Variants in PEX5L observed in about 807,000 individuals in gnomAD.
The protein encoded by PEX5L is peroxisomal biogenesis factor 5 like, also known as PEX5-related protein.
A neutral mutation model predicts 84.0 loss-of-function variants in PEX5L; 30 were observed. That is an observed-to-expected ratio of 0.36 (90% CI 0.27 to 0.48). The LOEUF (loss-of-function observed/expected upper bound fraction) is 0.48, where lower values mean the gene tolerates loss of function less well. Ranked by LOEUF, PEX5L falls within the 20% of genes least tolerant of loss-of-function variation. The pLI, the probability that PEX5L is intolerant of heterozygous loss-of-function variation, is 0.99. For missense variants in PEX5L, 533 were observed against 754.6 expected (o/e 0.71, Z 3.44); for synonymous variants, 270 against 283.1 (o/e 0.95, Z 0.46).
chr3:179,994,306 T>C (rs1006722875), intron 1 of PEX5L, among the ~76,000 whole-genome samples: 6 of 152,258 alleles, frequency 3.9e-5, no homozygotes, highest in African/African-American at 1.4e-4. Context: ...TAAAAGTTAA[T>C]GAATGTGAAT....
intron 1 of PEX5L, among the ~76,000 whole-genome samples, chr3:180,034,836 T>C (rs1579436271): frequency 6.6e-6 from 1 of 152,254 alleles, no homozygotes; most frequent in Admixed American, 6.5e-5. Flanking sequence ...GACATTAAGT[T>C]GGGAGAATAT....
intron 2 of PEX5L, among the ~76,000 whole-genome samples, chr3:179,941,431 C>T (rs1053447722): frequency 1.3e-5 from 2 of 152,288 alleles, no homozygotes; most frequent in Middle Eastern, 3.4e-3. Flanking sequence ...ATTTCATTCA[C>T]CATGATGTTA....
intron 2 of PEX5L, among the ~76,000 whole-genome samples, chr3:179,913,019 T>C (rs1560673214): frequency 6.6e-6 from 1 of 152,108 alleles, no homozygotes; most frequent in Non-Finnish European, 1.5e-5. Flanking sequence ...TAATGTAGAA[T>C]GAAGTATTCA....
intron 1 of PEX5L, among the ~76,000 whole-genome samples, chr3:179,994,737 C>T (rs563196763): frequency 6.6e-6 from 1 of 151,970 alleles, no homozygotes; most frequent in African/African-American, 2.4e-5. Context: ...AAAGGCAGAC[C>T]CACTCTTTAT....
chr3:179,882,062 T>G (rs1346756858), intron 4 of PEX5L, among the ~76,000 whole-genome samples: 1 of 152,212 alleles, frequency 6.6e-6, no homozygotes, highest in Non-Finnish European at 1.5e-5. Context: ...CAGACCACTA[T>G]TATGTTGGCA....
chr3:179,981,853 G>A (rs953752019), intron 1 of PEX5L, among the ~76,000 whole-genome samples: 2 of 151,950 alleles, frequency 1.3e-5, no homozygotes, highest in East Asian at 1.9e-4. Flanking sequence ...ATGTGAAATT[G>A]TTCAGTGCTG....
intron 2 of PEX5L, among the ~76,000 whole-genome samples, chr3:179,904,666 T>C (rs914720995): frequency 6.6e-6 from 1 of 152,216 alleles, no homozygotes; most frequent in South Asian, 2.1e-4. Flanking sequence ...TATTACATAT[T>C]AATTGTTACA....
chr3:179,977,347 G>A (rs985462184), intron 1 of PEX5L, among the ~76,000 whole-genome samples: 2 of 152,156 alleles, frequency 1.3e-5, no homozygotes, highest in African/African-American at 4.8e-5. Context: ...GATACATGTT[G>A]CAGTTTTTAC....
chr3:179,852,236 C>T (rs544930708), intron 8 of PEX5L, among the ~76,000 whole-genome samples: 12 of 152,234 alleles, frequency 7.9e-5, no homozygotes, highest in East Asian at 5.8e-4. Context: ...AGAATCCATT[C>T]GCAAGATAGC....
At chr3:179,824,487 C>T (rs969485850) in intron 8 of PEX5L, among the ~76,000 whole-genome samples, 1 of 152,120 alleles carries the variant, frequency 6.6e-6, no homozygotes, top group African/African-American at 2.4e-5. Flanking sequence ...AGGTGGATCA[C>T]CTGAGGTCGG....
intron 8 of PEX5L, among the ~76,000 whole-genome samples, chr3:179,857,524 G>A (rs754268466): frequency 5.3e-5 from 8 of 152,118 alleles, no homozygotes; most frequent in South Asian, 2.1e-4. Context: ...GGGGATAAAC[G>A]ACTTCTAAGG....
chr3:179,986,397 A>AT (rs11344304), intron 1 of PEX5L, among the ~76,000 whole-genome samples: 5,331 of 110,976 alleles, frequency 0.048, 169 homozygotes, highest in South Asian at 0.081. Flanking sequence ...CCATTTAGTA[A>AT]TTTTTTTTTT....
intron 1 of PEX5L, among the ~76,000 whole-genome samples, chr3:180,002,134 T>A (rs986179339): frequency 1.3e-5 from 2 of 152,264 alleles, no homozygotes; most frequent in East Asian, 1.9e-4. Context: ...CTCAACTTTT[T>A]AAAAAATACG....
At chr3:179,812,115 C>T (rs1235998331) in intron 10 of PEX5L, among the ~76,000 whole-genome samples, 1 of 152,064 alleles carries the variant, frequency 6.6e-6, no homozygotes, top group Non-Finnish European at 1.5e-5. Flanking sequence ...TAACCCAGTG[C>T]GATGGAAACC....
chr3:179,905,554 C>G (rs1178742524), intron 2 of PEX5L, among the ~76,000 whole-genome samples: 4 of 152,108 alleles, frequency 2.6e-5, no homozygotes, highest in Non-Finnish European at 5.9e-5. Flanking sequence ...CCACCGCGCC[C>G]CGCCAATCTG....
chr3:180,024,501 T>C (rs1444633601), intron 1 of PEX5L, among the ~76,000 whole-genome samples: 1 of 144,722 alleles, frequency 6.9e-6, no homozygotes, highest in Non-Finnish European at 1.5e-5. Flanking sequence ...GCTGAGATCA[T>C]GCCACTGCAC....
chr3:179,920,508 C>G (rs2109386391), intron 2 of PEX5L, among the ~76,000 whole-genome samples: 1 of 152,240 alleles, frequency 6.6e-6, no homozygotes, highest in Non-Finnish European at 1.5e-5. Flanking sequence ...TAGGCATTAA[C>G]AGATAACCTG....
chr3:179,911,546 T>C (rs1463606401), intron 2 of PEX5L, among the ~76,000 whole-genome samples: 2 of 152,228 alleles, frequency 1.3e-5, no homozygotes, highest in African/African-American at 4.8e-5. Flanking sequence ...GCTCTAATAA[T>C]ATTATAAATC....
intron 2 of PEX5L, among the ~76,000 whole-genome samples, chr3:179,907,044 C>T (rs952114845): frequency 4.6e-5 from 7 of 151,934 alleles, no homozygotes; most frequent in African/African-American, 1.7e-4. Context: ...GGAAAGTATT[C>T]CAAAGTAAAT....
Sources: allele counts gnomAD v4.1 joint callset (sites outside exome capture counted in the v4.1 genomes callset), GRCh38; gene constraint gnomAD v4.1.1; transcripts MANE v1.5; gene names NCBI Gene and HGNC (gene_info 2026-07-23, HGNC 2026-07-21).